CMIP: variants seen among roughly 807,000 people sequenced by gnomAD.
CMIP encodes C-Maf-inducing protein.
Under a neutral mutation model 97.3 loss-of-function variants are expected in CMIP, and 13 were observed. The observed-to-expected ratio is 0.13, with a 90% CI of 0.09 to 0.21. The LOEUF (loss-of-function observed/expected upper bound fraction) is 0.21, where lower values mean the gene tolerates loss of function less well. Among genes scored for constraint, CMIP ranks in the 10% least tolerant of loss-of-function variants. The probability of loss-of-function intolerance (pLI) is 1.00; values close to 1 mark genes in which losing one functional copy is unlikely to be tolerated. For synonymous variants in CMIP, 538 were observed against 436.3 expected, an observed-to-expected ratio of 1.23 and a Z score of -2.91; for missense variants, 847 against 1,024.9, an observed-to-expected ratio of 0.83 and a Z score of 2.37.
At chr16:81,538,787 G>T (rs1340803877) in intron 1 of CMIP, among the ~76,000 whole-genome samples, 1 of 152,012 alleles carries the variant, frequency 6.6e-6, no homozygotes, top group Non-Finnish European at 1.5e-5. Context: ...CCAAGACTTT[G>T]TTATGATCTT....
intron 1 of CMIP, among the ~76,000 whole-genome samples, chr16:81,607,269 C>T (rs1274737277): frequency 6.6e-6 from 1 of 152,214 alleles, no homozygotes; most frequent in Non-Finnish European, 1.5e-5. Flanking sequence ...CCTGCGCTGG[C>T]CCCGCGGATA....
intron 6 of CMIP, 52 bp from the exon 7 acceptor site, chr16:81,664,217 G>A: frequency 6.6e-7 from 1 of 1,526,716 alleles, no homozygotes; most frequent in Admixed American, 2.0e-5. Context: ...GCCACGGGCT[G>A]TGTTCAGAAC....
At chr16:81,651,710 C>G (rs1308437841) in intron 3 of CMIP, among the ~76,000 whole-genome samples, 3 of 152,170 alleles carry the variant, frequency 2.0e-5, no homozygotes, top group African/African-American at 7.2e-5. Context: ...AAGATACGAT[C>G]TAAAAGAGAA....
At chr16:81,671,248 C>A (rs1042351378) in intron 8 of CMIP, among the ~76,000 whole-genome samples, 1 of 152,124 alleles carries the variant, frequency 6.6e-6, no homozygotes, top group South Asian at 2.1e-4. Flanking sequence ...TGTGACATGC[C>A]CTCATGCCAG....
rs28366926 is a variant in CMIP at position 81,627,246 on chromosome 16, T to C, written c.477+6320T>C. ...TTTTATGTGTGTGTGAGTGTGTGTG[T>C]GGCCTGTGGGGATACTATGAGTATG... On this transcript the variant is annotated intron_variant, in intron 3 of 20. Transcript: ENST00000537098. This position sits in a 1 kb window ranked among gnomAD's most constrained non-coding sequence, Gnocchi z 4.6. Among the ~76,000 whole-genome samples the C allele has an allele frequency of 0.024, 3,589 of 152,026 alleles. 146 individuals carry two copies. Among genetic ancestry groups the C allele is most frequent in the African/African-American group, 0.083 (3,423 of 41,408 alleles).
chr16:81,584,164 G>A (rs536510087), intron 1 of CMIP, among the ~76,000 whole-genome samples: 23 of 152,194 alleles, frequency 1.5e-4, no homozygotes, highest in Admixed American at 1.1e-3. Flanking sequence ...CTGGGAAGAC[G>A]GCCCCTAGCG....
At chr16:81,563,425 T>C (rs984737177) in intron 1 of CMIP, among the ~76,000 whole-genome samples, 9 of 152,198 alleles carry the variant, frequency 5.9e-5, no homozygotes, top group African/African-American at 1.7e-4. Context: ...ATGATGATAA[T>C]AGCAATACTT....
At chr16:81,546,818 T>A (rs1271920254) in intron 1 of CMIP, among the ~76,000 whole-genome samples, 1 of 152,236 alleles carries the variant, frequency 6.6e-6, no homozygotes, top group African/African-American at 2.4e-5. Flanking sequence ...TATGGCTATT[T>A]ACATTGAATT....
At chr16:81,460,918 T>G (rs1231782130) in intron 1 of CMIP, among the ~76,000 whole-genome samples, 1 of 152,230 alleles carries the variant, frequency 6.6e-6, no homozygotes, top group Non-Finnish European at 1.5e-5. Context: ...TGATGCCCTG[T>G]TGTATGTGAT....
At chr16:81,479,294 G>A (rs112345815) in intron 1 of CMIP, among the ~76,000 whole-genome samples, 6,424 of 152,150 alleles carry the variant, frequency 0.042, 448 homozygotes, top group African/African-American at 0.15. Flanking sequence ...AGCTGAGGTG[G>A]GCAATGAATG....
chr16:81,554,970 G>C (rs1215939547), intron 1 of CMIP, among the ~76,000 whole-genome samples: 1 of 152,166 alleles, frequency 6.6e-6, no homozygotes, highest in Non-Finnish European at 1.5e-5. Flanking sequence ...CAGAAGGGGG[G>C]GTTTTTCCTT....
At chr16:81,551,168 T>C (rs1267419814) in intron 1 of CMIP, among the ~76,000 whole-genome samples, 2 of 95,954 alleles carry the variant, frequency 2.1e-5, no homozygotes, top group African/African-American at 4.1e-5. Flanking sequence ...TTCCATCACA[T>C]ATGTCCCAGT....
At chr16:81,595,415 G>A (rs1294794150) in intron 1 of CMIP, among the ~76,000 whole-genome samples, 1 of 144,998 alleles carries the variant, frequency 6.9e-6, no homozygotes, top group Non-Finnish European at 1.5e-5. Context: ...CTGAGACAGA[G>A]TCTTGCTCTG....
intron 1 of CMIP, among the ~76,000 whole-genome samples, chr16:81,479,828 C>G (rs561420372): frequency 1.1e-4 from 16 of 152,282 alleles, no homozygotes; most frequent in African/African-American, 3.9e-4. Flanking sequence ...CAACATATGA[C>G]TTTAAATTTG....
At chr16:81,468,172 G>A (rs947193612) in intron 1 of CMIP, among the ~76,000 whole-genome samples, 1 of 152,132 alleles carries the variant, frequency 6.6e-6, no homozygotes, top group African/African-American at 2.4e-5. Context: ...GATAATGAGC[G>A]GGCTTTCCTG....
chr16:81,537,546 CAAAAAAAAAAAA>C (rs397695977), intron 1 of CMIP, among the ~76,000 whole-genome samples: 7 of 82,086 alleles, frequency 8.5e-5, no homozygotes, highest in Non-Finnish European at 1.1e-4. Context: ...AAAAAAAAGA[CAAAAAAAAAAAA>C]AAAAAAAAAA....
At chr16:81,685,606 G>A (rs1233482058) in intron 10 of CMIP, among the ~76,000 whole-genome samples, 7 of 151,494 alleles carry the variant, frequency 4.6e-5, no homozygotes, top group East Asian at 1.9e-4. Flanking sequence ...GTATAGTGCC[G>A]CAGTTACAGG....
At chr16:81,540,276 C>T (rs1030072904) in intron 1 of CMIP, among the ~76,000 whole-genome samples, 1 of 152,184 alleles carries the variant, frequency 6.6e-6, no homozygotes, top group Non-Finnish European at 1.5e-5. Context: ...TGTTGGAGAG[C>T]TCCATCCTGT....
intron 1 of CMIP, among the ~76,000 whole-genome samples, chr16:81,485,056 G>A (rs1211114247): frequency 2.0e-5 from 3 of 152,102 alleles, no homozygotes; most frequent in Non-Finnish European, 4.4e-5. Context: ...ATGTCCTGAT[G>A]CCTGACTCCA....
Sources: gnomAD v4.1 joint callset for allele counts (sites outside exome capture counted in the v4.1 genomes callset) on GRCh38, gnomAD v4.1.1 for gene constraint, Gnocchi (gnomAD v3.1) non-coding constraint, MANE v1.5 for transcripts, NCBI Gene and HGNC (gene_info 2026-07-23, HGNC 2026-07-21) for gene names.